Variants in GPC6 observed in about 807,000 individuals in gnomAD.
GPC6 encodes the protein glypican 6, also known as glypican-6.
A neutral mutation model predicts 55.2 loss-of-function variants in GPC6; 14 were observed. The observed-to-expected ratio is 0.25, with a 90% confidence interval of 0.17 to 0.40. GPC6 has a LOEUF of 0.40. GPC6 is among the 10% of genes least tolerant of loss of function. The pLI is 1.00. For missense variants in GPC6, 641 were observed against 708.5 expected, an observed-to-expected ratio of 0.90 and a Z score of 1.08; for synonymous variants, 278 against 259.6, an observed-to-expected ratio of 1.07 and a Z score of -0.68.
chr13:93,601,559 A>G (rs977351870), intron 2 of GPC6, among the ~76,000 whole-genome samples: 7 of 152,188 alleles, frequency 4.6e-5, no homozygotes, highest in Admixed American at 2.0e-4. Context: ...CTGTTCCATC[A>G]GAGTCCTTAT....
intron 7 of GPC6, among the ~76,000 whole-genome samples, chr13:94,394,586 C>T (rs1257850503): frequency 1.3e-5 from 2 of 152,174 alleles, no homozygotes; most frequent in Admixed American, 1.3e-4. Flanking sequence ...TAAATGGGCT[C>T]ATGAGGTCCT....
At chr13:93,935,017 A>G (rs945872876) in intron 3 of GPC6, among the ~76,000 whole-genome samples, 3 of 152,230 alleles carry the variant, frequency 2.0e-5, no homozygotes, top group East Asian at 1.9e-4. Context: ...ATTCCAACAT[A>G]TGGACATACT....
At chr13:93,742,315 T>C (rs1884235114) in intron 2 of GPC6, among the ~76,000 whole-genome samples, 1 of 152,206 alleles carries the variant, frequency 6.6e-6, no homozygotes, top group Non-Finnish European at 1.5e-5. Flanking sequence ...TACTTCTATT[T>C]TGATGGCCTT....
At chr13:94,003,468 AG>A (rs1048914784) in intron 3 of GPC6, among the ~76,000 whole-genome samples, 46 of 152,318 alleles carry the variant, frequency 3.0e-4, no homozygotes, top group African/African-American at 1.1e-3. Context: ...GAGGATTGAG[AG>A]AGGTGTCTTT....
intron 2 of GPC6, among the ~76,000 whole-genome samples, chr13:93,572,205 C>T (rs1436578431): frequency 3.3e-5 from 5 of 152,162 alleles, no homozygotes; most frequent in African/African-American, 1.2e-4. Flanking sequence ...GAGCAGTCTT[C>T]TGTGTGCTAC....
intron 1 of GPC6, among the ~76,000 whole-genome samples, chr13:93,263,662 G>A (rs546061008): frequency 6.6e-6 from 1 of 152,202 alleles, no homozygotes; most frequent in East Asian, 1.9e-4. Context: ...ACCACGCCCC[G>A]CCACTGCCTG....
chr13:93,379,709 G>GTC (rs1226371117), intron 1 of GPC6, among the ~76,000 whole-genome samples: 1 of 152,076 alleles, frequency 6.6e-6, no homozygotes, highest in Non-Finnish European at 1.5e-5. Context: ...CAAATGGATT[G>GTC]TCTCGTTCGT....
chr13:94,319,650 G>C (rs1192084506), intron 6 of GPC6, among the ~76,000 whole-genome samples: 5 of 152,118 alleles, frequency 3.3e-5, no homozygotes, highest in Admixed American at 3.3e-4. Context: ...AAAGACATTT[G>C]TGCTGAACTG....
intron 2 of GPC6, among the ~76,000 whole-genome samples, chr13:93,759,958 C>T (rs936617786): frequency 1.3e-5 from 2 of 150,448 alleles, no homozygotes; most frequent in African/African-American, 4.9e-5. Context: ...TGGTAGATAC[C>T]CTGTTTAAGT....
intron 1 of GPC6, among the ~76,000 whole-genome samples, chr13:93,332,833 G>A (rs1328834681): frequency 1.3e-5 from 2 of 152,040 alleles, no homozygotes; most frequent in East Asian, 1.9e-4. Context: ...ATAGTTTCAG[G>A]CCTTACACTG....
chr13:94,271,366 ACGCGCGCGCGCGCGCG>A (rs35593846), intron 4 of GPC6, among the ~76,000 whole-genome samples: 5 of 131,308 alleles, frequency 3.8e-5, no homozygotes, highest in South Asian at 2.5e-4. Context: ...ACACACACAC[ACGCGCGCGCGCGCGCG>A]CACACACACA....
intron 4 of GPC6, among the ~76,000 whole-genome samples, chr13:94,162,276 C>A (rs1280087406): frequency 6.6e-6 from 1 of 152,154 alleles, no homozygotes; most frequent in African/African-American, 2.4e-5. Context: ...AGGAGGTGGT[C>A]TCTCCCTGAG....
chr13:93,750,558 G>C (rs1269733067), intron 2 of GPC6, among the ~76,000 whole-genome samples: 1 of 152,126 alleles, frequency 6.6e-6, no homozygotes, highest in Admixed American at 6.6e-5. Flanking sequence ...GAAGCAGATA[G>C]AGATAGATTC....
intron 6 of GPC6, among the ~76,000 whole-genome samples, chr13:94,313,032 C>G (rs1003874391): frequency 1.3e-5 from 2 of 152,056 alleles, no homozygotes; most frequent in African/African-American, 4.8e-5. Flanking sequence ...TTCAATGAAC[C>G]CTTGGTAATA....
intron 2 of GPC6, among the ~76,000 whole-genome samples, chr13:93,793,878 C>T (rs1328644769): frequency 2.0e-5 from 3 of 152,096 alleles, no homozygotes; most frequent in South Asian, 2.1e-4. Flanking sequence ...CAACATTTGT[C>T]GTTTATTCTC....
At position 94,286,392 on chromosome 13, in the gene GPC6, C is replaced by T. The variant is rs1892531256; in HGVS notation, c.921C>T (p.Asn307=). The T allele has an allele frequency of 6.2e-7, 1 of 1,613,624 alleles. No homozygotes were observed. Among genetic ancestry groups the T allele is most frequent in the Non-Finnish European group, 8.5e-7 (1 of 1,179,650 alleles). Reference sequence around the variant, plus strand: ...CAGAGCGACTGGAGGGGCCATTCAACATTGAGTCGGTCATGGACCCGATAG... The same window carrying T: ...CAGAGCGACTGGAGGGGCCATTCAATATTGAGTCGGTCATGGACCCGATAG... ...LVAERLEGPF[N]IESVMDPIDV... Residue 307 remains asparagine (N), a synonymous_variant, in exon 5 of 9, where the codon AAC becomes AAT. Coordinates refer to ENST00000377047, the MANE Select transcript of GPC6 (RefSeq NM_005708.5).
chr13:93,548,702 C>T lies in GPC6; in HGVS notation c.319+3281C>T, dbSNP rs564466495. Among the ~76,000 whole-genome samples, 27 of 152,136 alleles carry T rather than the reference C, an allele frequency of 1.8e-4. 2 individuals are homozygous for T. In the South Asian group the frequency reaches 2.7e-3, roughly 15 times the overall value. On this transcript the variant is annotated intron_variant, in intron 2 of 8. Coordinates refer to ENST00000377047, the MANE Select transcript of GPC6 (RefSeq NM_005708.5). The stretch of plus-strand genomic sequence containing the variant: ...GTAGGAAGTTAAAGTGGAATCAGTA[C>T]GAGTTATTACCCAACCTTCCTAAGT...
intron 2 of GPC6, among the ~76,000 whole-genome samples, chr13:93,552,867 G>A (rs1875233962): frequency 6.6e-6 from 1 of 152,176 alleles, no homozygotes; most frequent in African/African-American, 2.4e-5. Flanking sequence ...GAGTAAGTAT[G>A]GGTGAATTAC....
intron 3 of GPC6, among the ~76,000 whole-genome samples, chr13:93,919,945 T>A (rs1267051153): frequency 1.3e-5 from 2 of 152,188 alleles, no homozygotes; most frequent in Non-Finnish European, 2.9e-5. Context: ...CTCCACAAAC[T>A]TCCTGTCTTT....
Sources: gnomAD v4.1 joint callset for allele counts (sites outside exome capture counted in the v4.1 genomes callset) on GRCh38, gnomAD v4.1.1 for gene constraint, MANE v1.5 for transcripts, NCBI Gene and HGNC (gene_info 2026-07-23, HGNC 2026-07-21) for gene names.